WDFY4: variants seen among roughly 807,000 people sequenced by gnomAD.
WDFY4 encodes the protein WDFY family member 4.
A neutral mutation model predicts 351.9 loss-of-function variants in WDFY4; 169 were observed. The observed-to-expected ratio is 0.48, with a 90% CI of 0.42 to 0.55. WDFY4 has a LOEUF of 0.55. Ranked by LOEUF, WDFY4 falls within the 20% of genes least tolerant of loss-of-function variation. WDFY4 has a pLI of 0.00. For synonymous variants in WDFY4, 1,622 were observed against 1,574.6 expected, an observed-to-expected ratio of 1.03 and a Z score of -0.71; for missense variants, 3,803 against 3,935.6, an observed-to-expected ratio of 0.97 and a Z score of 0.90.
At chr10:48,928,053 C>A (rs923882989) in intron 47 of WDFY4, among the ~76,000 whole-genome samples, 3 of 152,210 alleles carry the variant, frequency 2.0e-5, no homozygotes, top group African/African-American at 7.2e-5. Context: ...GATTCCATTC[C>A]ACCCAATGTG....
chr10:48,885,533 T>C (rs1419251341), intron 43 of WDFY4, among the ~76,000 whole-genome samples: 1 of 152,212 alleles, frequency 6.6e-6, no homozygotes, highest in Non-Finnish European at 1.5e-5. Context: ...ATTGGAGGTG[T>C]GGCTGTCTGC....
At chr10:48,725,386 G>T (rs1213684428) in intron 5 of WDFY4, among the ~76,000 whole-genome samples, 1 of 152,172 alleles carries the variant, frequency 6.6e-6, no homozygotes, top group African/African-American at 2.4e-5. Context: ...TGGAGAGGGA[G>T]GTTTTGCAAG....
At chr10:48,900,570 G>GA (rs1168941868) in intron 46 of WDFY4, among the ~76,000 whole-genome samples, 2 of 152,174 alleles carry the variant, frequency 1.3e-5, no homozygotes. Flanking sequence ...CAGGAAGTGA[G>GA]AAAAAAATTA....
At chr10:48,942,216 C>T (rs539587151) in intron 48 of WDFY4, among the ~76,000 whole-genome samples, 38 of 152,316 alleles carry the variant, frequency 2.5e-4, no homozygotes, top group Non-Finnish European at 3.7e-4. Context: ...CCACCCACCT[C>T]AGCCACCCAA....
chr10:48,853,979 G>A (rs61850380), intron 39 of WDFY4, among the ~76,000 whole-genome samples: 19,539 of 152,284 alleles, frequency 0.13, 1,379 homozygotes, highest in Middle Eastern at 0.21. Context: ...GAGATTCTGA[G>A]CCAGAGTATA....
At chr10:48,837,836 G>T (rs2068455940) in intron 39 of WDFY4, among the ~76,000 whole-genome samples, 1 of 152,166 alleles carries the variant, frequency 6.6e-6, no homozygotes, top group African/African-American at 2.4e-5. Context: ...TTTCCTCCTG[G>T]GATCAACTGT....
intron 51 of WDFY4, among the ~76,000 whole-genome samples, chr10:48,949,614 G>C (rs1215776499): frequency 6.6e-6 from 1 of 152,214 alleles, no homozygotes; most frequent in Non-Finnish European, 1.5e-5. Context: ...CTCCCAACCT[G>C]GGGTAGATGA....
intron 12 of WDFY4, among the ~76,000 whole-genome samples, chr10:48,748,836 T>A (rs190715268): frequency 3.0e-3 from 464 of 152,314 alleles, no homozygotes; most frequent in African/African-American, 0.01. Context: ...GTCTCTGCCG[T>A]ACCACACTTG....
chr10:48,730,615 T>C (rs1163237569), intron 8 of WDFY4, among the ~76,000 whole-genome samples: 1 of 152,238 alleles, frequency 6.6e-6, no homozygotes, highest in Non-Finnish European at 1.5e-5. Flanking sequence ...CATTTGATTT[T>C]AATCCGCTGA....
At chr10:48,787,955 TTC>T (rs1207509627) in intron 20 of WDFY4, among the ~76,000 whole-genome samples, 1 of 124,412 alleles carries the variant, frequency 8.0e-6, no homozygotes, top group Non-Finnish European at 1.6e-5. Context: ...CTTCTTCTTC[TTC>T]TTCTTCTTCT....
chr10:48,765,622 G>C (rs534860170), intron 13 of WDFY4, among the ~76,000 whole-genome samples: 1 of 152,264 alleles, frequency 6.6e-6, no homozygotes, highest in African/African-American at 2.4e-5. Context: ...ATAAAGAATT[G>C]AAACTCACAG....
At chr10:48,976,716 G>A in intron 58 of WDFY4, 81 bp from the exon 59 acceptor site, 1 of 1,256,518 alleles carries the variant, frequency 8.0e-7, no homozygotes, top group Non-Finnish European at 1.0e-6. Context: ...GTACTTGGGT[G>A]TACCAACTGG....
chr10:48,691,823 C>A (rs1213835034), intron 1 of WDFY4, among the ~76,000 whole-genome samples: 2 of 152,150 alleles, frequency 1.3e-5, no homozygotes, highest in Non-Finnish European at 2.9e-5. Context: ...AACATGTGAG[C>A]AATTAGTAAC....
intron 47 of WDFY4, among the ~76,000 whole-genome samples, chr10:48,928,286 T>G (rs1399736711): frequency 1.3e-5 from 2 of 151,768 alleles, no homozygotes; most frequent in African/African-American, 4.8e-5. Flanking sequence ...GTAAAGAGGA[T>G]GTAAAAGTGG....
chr10:48,825,756 C>G (rs534772977), intron 35 of WDFY4, among the ~76,000 whole-genome samples: 1 of 152,004 alleles, frequency 6.6e-6, no homozygotes, highest in Non-Finnish European at 1.5e-5. Flanking sequence ...TGAATGTCTT[C>G]TTTGGAGAAA....
chr10:48,700,381 C>G (rs1472628113), intron 1 of WDFY4, among the ~76,000 whole-genome samples: 1 of 152,182 alleles, frequency 6.6e-6, no homozygotes, highest in Non-Finnish European at 1.5e-5. Context: ...TTCTCAGGGT[C>G]TTATGTCCTC....
At chr10:48,864,917 C>A (rs1328547435) in intron 39 of WDFY4, among the ~76,000 whole-genome samples, 2 of 152,134 alleles carry the variant, frequency 1.3e-5, no homozygotes, top group African/African-American at 4.8e-5. Context: ...TGATCTTGTA[C>A]ACTGAAACTT....
intron 43 of WDFY4, among the ~76,000 whole-genome samples, chr10:48,882,924 G>A (rs903939701): frequency 6.6e-6 from 1 of 152,190 alleles, no homozygotes; most frequent in Non-Finnish European, 1.5e-5. Context: ...CAAAAACAGA[G>A]CCCAGGGTGG....
chr10:48,831,465 C>G (rs901928527), intron 38 of WDFY4, among the ~76,000 whole-genome samples: 1 of 152,222 alleles, frequency 6.6e-6, no homozygotes, highest in Non-Finnish European at 1.5e-5. Context: ...ACTTACACCT[C>G]CTATACTTGT....
Sources: gnomAD v4.1 joint callset for allele counts (sites outside exome capture counted in the v4.1 genomes callset) on GRCh38, gnomAD v4.1.1 for gene constraint, MANE v1.5 for transcripts, NCBI Gene and HGNC (gene_info 2026-07-23, HGNC 2026-07-21) for gene names.